The following SHROOM2 variants were observed in gnomAD, a reference collection of about 807,000 sequenced individuals.
The protein encoded by SHROOM2 is shroom family member 2.
SHROOM2 carries 33 observed loss-of-function variants against 75.9 expected under a neutral mutation model. That is an observed-to-expected ratio of 0.43 (90% CI 0.33 to 0.58). SHROOM2 has a LOEUF of 0.58. Ranked by LOEUF, SHROOM2 falls within the 20% of genes least tolerant of loss-of-function variation. The pLI, the probability that SHROOM2 is intolerant of heterozygous loss-of-function variation, is 0.04. For missense variants in SHROOM2, 1,434 were observed against 1,461.2 expected (o/e 0.98, Z 0.30); for synonymous variants, 655 against 663.6 (o/e 0.99, Z 0.20).
chrX:9,794,831 C>T (rs2083686250), intron 1 of SHROOM2, among the ~76,000 whole-genome samples: 1 of 111,904 alleles, frequency 8.9e-6, no homozygotes, highest in Non-Finnish European at 1.9e-5. Flanking sequence ...TTGATTCATC[C>T]CTCAAACCCT....
At chrX:9,848,045 C>T (rs930126596) in intron 1 of SHROOM2, among the ~76,000 whole-genome samples, 2 of 111,788 alleles carry the variant, frequency 1.8e-5, no homozygotes, top group African/African-American at 6.5e-5. Flanking sequence ...TCAATACTCC[C>T]CATGTCTGAG....
chrX:9,870,947 G>A (rs1374742940), intron 1 of SHROOM2, among the ~76,000 whole-genome samples: 1 of 112,031 alleles, frequency 8.9e-6, no homozygotes, highest in African/African-American at 3.2e-5. Flanking sequence ...AGAAGTCTTA[G>A]GGTCCGGAGT....
intron 1 of SHROOM2, among the ~76,000 whole-genome samples, chrX:9,835,736 T>G (rs773418036): frequency 9.1e-6 from 1 of 110,154 alleles, no homozygotes; most frequent in East Asian, 2.9e-4. Flanking sequence ...TGTTTTTTTT[T>G]TTTTTTGGTT....
intron 1 of SHROOM2, among the ~76,000 whole-genome samples, chrX:9,846,618 T>TG (rs1312253086): frequency 8.9e-6 from 1 of 112,145 alleles, no homozygotes; most frequent in Non-Finnish European, 1.9e-5. Context: ...TTTATAGACA[T>TG]GGGGTCTTGA....
intron 1 of SHROOM2, chrX:9,819,266 C>G: frequency 1.4e-6 from 1 of 707,178 alleles, no homozygotes; most frequent in Non-Finnish European, 2.2e-6. Context: ...TATTGGCCTC[C>G]TGAGATCCAT....
intron 5 of SHROOM2, among the ~76,000 whole-genome samples, chrX:9,929,315 G>T (rs1175094165): frequency 8.9e-6 from 1 of 112,232 alleles, no homozygotes; most frequent in Admixed American, 9.4e-5. Flanking sequence ...ACATTGCTGT[G>T]CTGCTGCAGG....
chrX:9,949,259 C>T lies in SHROOM2; in HGVS notation c.*2322C>T, dbSNP rs1190313570. Reference sequence around the variant, plus strand: ...TGGCCCTGGTGTTGTTGGGTGGCAGCTGCTCCTTCGCCCTCTTGTAGTGTG... The same window carrying T: ...TGGCCCTGGTGTTGTTGGGTGGCAGTTGCTCCTTCGCCCTCTTGTAGTGTG... On this transcript the variant is annotated 3_prime_UTR_variant, in exon 10 of 10. Transcript: ENST00000380913. 1.3e-5 allele frequency: 4 copies of T among 313,273 alleles called. No homozygotes were observed. Among genetic ancestry groups the T allele is most frequent in the Non-Finnish European group, 2.5e-5 (4 of 161,303 alleles). The allele number at this position is 313,273 out of a possible 1,213,427, so 25.8% of individuals were successfully genotyped here.
At chrX:9,845,892 G>A (rs893327627) in intron 1 of SHROOM2, among the ~76,000 whole-genome samples, 16 of 51,860 alleles carry the variant, frequency 3.1e-4, no homozygotes, top group African/African-American at 1.0e-3. Flanking sequence ...AGCTCCCCAG[G>A]GGTGCCCTTG....
chrX:9,852,058 G>A (rs1240963405), intron 1 of SHROOM2, among the ~76,000 whole-genome samples: 1 of 111,517 alleles, frequency 9.0e-6, no homozygotes, highest in East Asian at 2.8e-4. Context: ...TGGTCCAGTA[G>A]AGAGGGCACG....
chrX:9,919,650 A>G (rs752824462), intron 5 of SHROOM2, among the ~76,000 whole-genome samples: 2 of 110,699 alleles, frequency 1.8e-5, no homozygotes, highest in Non-Finnish European at 3.8e-5. Context: ...CTGGATCTTC[A>G]GAACAGGAAT....
At chrX:9,846,743 G>A (rs773604367) in intron 1 of SHROOM2, among the ~76,000 whole-genome samples, 2 of 112,430 alleles carry the variant, frequency 1.8e-5, no homozygotes, top group Non-Finnish European at 3.8e-5. Context: ...CCTTCCTATC[G>A]TCTCTTTCAT....
At chrX:9,887,672 G>C (rs2084268294) in intron 2 of SHROOM2, among the ~76,000 whole-genome samples, 1 of 112,263 alleles carries the variant, frequency 8.9e-6, no homozygotes, top group African/African-American at 3.2e-5. Context: ...CTATGTGTTA[G>C]GGCTGGCTAT....
intron 1 of SHROOM2, among the ~76,000 whole-genome samples, chrX:9,804,159 A>G (rs755304912): frequency 1.8e-5 from 2 of 111,232 alleles, no homozygotes; most frequent in East Asian, 5.7e-4. Context: ...TCCCCAGTGG[A>G]TGAGGTCTTT....
Position 9,873,716 on chromosome X carries a change from TCAATGA to T in SHROOM2, c.233_238del (p.Asn78_Asp79del). 8.3e-7 allele frequency: 1 copy of T among 1,211,653 alleles called. No homozygotes were observed. Among genetic ancestry groups the T allele is most frequent in the Non-Finnish European group, 1.1e-6 (1 of 895,266 alleles). ...CTGGCTGGAGATGAGATCGTCGGCATCAATGACATTGGTCTCTCAGGGTTTAGACAG... is the reference window on the plus strand; with the variant it reads ...CTGGCTGGAGATGAGATCGTCGGCATCATTGGTCTCTCAGGGTTTAGACAG... On this transcript the variant is annotated inframe_deletion, in exon 2 of 10. Transcript: ENST00000380913.
intron 1 of SHROOM2, among the ~76,000 whole-genome samples, chrX:9,817,556 A>C (rs911500888): frequency 6.3e-5 from 7 of 111,905 alleles, no homozygotes; most frequent in Admixed American, 5.7e-4. Flanking sequence ...ATTTAGGGCA[A>C]GTATACATGA....
chrX:9,803,772 G>C (rs1195370611), intron 1 of SHROOM2, among the ~76,000 whole-genome samples: 1 of 111,562 alleles, frequency 9.0e-6, no homozygotes, highest in Non-Finnish European at 1.9e-5. Context: ...TCCGGACACA[G>C]AAGTCAGGAT....
intron 1 of SHROOM2, among the ~76,000 whole-genome samples, chrX:9,802,126 T>A (rs1309464424): frequency 1.8e-5 from 2 of 108,714 alleles, no homozygotes; most frequent in Admixed American, 2.0e-4. Context: ...AGATGGGGTC[T>A]TAAGCTATGT....
In SHROOM2 at chrX:9,792,053, A is replaced by G. The variant is rs1385398877; in HGVS notation, c.165+5343A>G. Among the ~76,000 whole-genome samples the G allele has an allele frequency of 3.0e-4, 7 of 23,369 alleles. 1 individual carries two copies. The highest frequency in any genetic ancestry group is 3.5e-3 in the East Asian group (2 of 570). The allele number at this position is 23,369 out of a possible 115,157, so 20.3% of individuals were successfully genotyped here. The stretch of plus-strand genomic sequence containing the variant: ...ATAGAATAGAATAGAATAGAATAGA[A>G]TAGAATAGAATAGAATAGAATAGAA... On this transcript the variant is annotated intron_variant, in intron 1 of 9. Coordinates refer to ENST00000380913, the MANE Select transcript of SHROOM2 (RefSeq NM_001649.4).
intron 6 of SHROOM2, among the ~76,000 whole-genome samples, chrX:9,933,701 T>A (rs147045885): frequency 0.011 from 1,256 of 112,076 alleles, 20 homozygotes; most frequent in African/African-American, 0.039. Context: ...CACCTGAGCC[T>A]GGAGGTCGAG....
Sources: allele counts gnomAD v4.1 joint callset (sites outside exome capture counted in the v4.1 genomes callset), GRCh38; gene constraint gnomAD v4.1.1; transcripts MANE v1.5; gene names NCBI Gene and HGNC (gene_info 2026-07-23, HGNC 2026-07-21).